Variants in DYRK1A observed in about 807,000 individuals in gnomAD.
DYRK1A encodes dual specificity tyrosine phosphorylation regulated kinase 1A.
In DYRK1A, 9 loss-of-function variants were observed where a neutral mutation model predicts 79.7. That is an observed-to-expected ratio of 0.11 (90% CI 0.07 to 0.20). The LOEUF (loss-of-function observed/expected upper bound fraction) is 0.20, where lower values mean the gene tolerates loss of function less well. DYRK1A is among the 10% of genes least tolerant of loss of function. The pLI, the probability that DYRK1A is intolerant of heterozygous loss-of-function variation, is 1.00. For missense variants in DYRK1A, 622 were observed against 956.0 expected (o/e 0.65, Z 4.61); for synonymous variants, 349 against 329.7 (o/e 1.06, Z -0.63).
intron 1 of DYRK1A, among the ~76,000 whole-genome samples, chr21:37,379,762 GA>G (rs888874934): frequency 6.6e-6 from 1 of 152,120 alleles, no homozygotes; most frequent in Non-Finnish European, 1.5e-5. Flanking sequence ...GTATTTGCCT[GA>G]AAAAAATCTC....
Position 37,397,960 on chromosome 21 carries a change from G to A in DYRK1A, c.-76-22339G>A, listed in dbSNP as rs575395681. 2.3e-3 allele frequency among the ~76,000 whole-genome samples: 350 copies of A among 151,760 alleles called. 3 individuals are homozygous for A. The highest frequency in any genetic ancestry group is 8.1e-3 in the African/African-American group (337 of 41,390). Reference sequence around the variant, plus strand: ...AAATTTAAAAGTACCGTAAAAGACTGGGCACAGTGGCTCACACCTGTAATC... The same window carrying A: ...AAATTTAAAAGTACCGTAAAAGACTAGGCACAGTGGCTCACACCTGTAATC... On this transcript the variant is annotated intron_variant, in intron 1 of 11. Transcript: ENST00000647188.
At chr21:37,449,013 T>C (rs898870445) in intron 2 of DYRK1A, among the ~76,000 whole-genome samples, 40 of 152,202 alleles carry the variant, frequency 2.6e-4, no homozygotes, top group African/African-American at 9.2e-4. Flanking sequence ...AATTACGTAA[T>C]TTGATTTGAA....
chr21:37,365,923 A>C (rs1236836990), upstream of DYRK1A: 1 of 152,030 alleles, frequency 6.6e-6, no homozygotes, highest in African/African-American at 2.4e-5. Context: ...CTAATTTCCC[A>C]ACGCTGGTCT....
At chr21:37,481,869 G>A (rs574962936) in intron 5 of DYRK1A, among the ~76,000 whole-genome samples, 4 of 152,194 alleles carry the variant, frequency 2.6e-5, no homozygotes, top group South Asian at 2.1e-4. Flanking sequence ...AATGTTAGGG[G>A]GATCTCTGGT....
chr21:37,462,841 C>T (rs966436764), intron 2 of DYRK1A, among the ~76,000 whole-genome samples: 3 of 152,120 alleles, frequency 2.0e-5, no homozygotes, highest in Admixed American at 6.5e-5. Context: ...TTTTTTCAGT[C>T]ATCACGATTC....
At chr21:37,437,480 T>A (rs2050959114) in intron 2 of DYRK1A, among the ~76,000 whole-genome samples, 1 of 152,200 alleles carries the variant, frequency 6.6e-6, no homozygotes, top group South Asian at 2.1e-4. Context: ...TGTGTTATAA[T>A]TGGCCTACAG....
intron 2 of DYRK1A, among the ~76,000 whole-genome samples, chr21:37,457,261 C>G (rs1366737857): frequency 6.6e-6 from 1 of 152,100 alleles, no homozygotes; most frequent in African/African-American, 2.4e-5. Flanking sequence ...AAGACAGAGT[C>G]TCACTCTGTT....
intron 1 of DYRK1A, among the ~76,000 whole-genome samples, chr21:37,379,109 C>G (rs1340968112): frequency 6.6e-6 from 1 of 151,922 alleles, no homozygotes; most frequent in Non-Finnish European, 1.5e-5. Flanking sequence ...GAAGGGGACA[C>G]TTGTGGACAT....
At chr21:37,426,754 CA>C (rs34975084) in intron 2 of DYRK1A, among the ~76,000 whole-genome samples, 62,020 of 126,824 alleles carry the variant, frequency 0.49, 14,336 homozygotes, top group Middle Eastern at 0.55. Context: ...ACTAAAAATA[CA>C]AAAAAAAAAA....
chr21:37,417,529 C>T (rs141457056), intron 1 of DYRK1A, among the ~76,000 whole-genome samples: 20 of 44,044 alleles, frequency 4.5e-4, no homozygotes, highest in African/African-American at 1.2e-3. Flanking sequence ...TTTTCTTTTT[C>T]TTTTTTTTTT....
At chr21:37,424,146 C>G (rs1462357467) in intron 2 of DYRK1A, among the ~76,000 whole-genome samples, 1 of 152,058 alleles carries the variant, frequency 6.6e-6, no homozygotes, top group East Asian at 1.9e-4. Context: ...CAGTTTGCCT[C>G]CCCTTGGAAT....
At chr21:37,485,556 G>T (rs2052828561) in intron 5 of DYRK1A, among the ~76,000 whole-genome samples, 1 of 152,128 alleles carries the variant, frequency 6.6e-6, no homozygotes, top group African/African-American at 2.4e-5. Context: ...GAATCATTTG[G>T]AGTTCCTTCC....
At chr21:37,385,778 C>G (rs936691559) in intron 1 of DYRK1A, among the ~76,000 whole-genome samples, 5 of 152,106 alleles carry the variant, frequency 3.3e-5, no homozygotes, top group Non-Finnish European at 2.9e-5. Flanking sequence ...ATTACCATAC[C>G]ATGTTCTTCT....
In DYRK1A at chr21:37,369,276, A is replaced by G. The variant is rs193246502; in HGVS notation, c.-77+1648A>G. On this transcript the variant is annotated intron_variant, in intron 1 of 11. Coordinates refer to ENST00000647188, the MANE Select transcript of DYRK1A (RefSeq NM_001347721.2). ...TTGTTTAATTTCTCATGTCTTGATCAGTTACTTTAGGATAATATTGTTTTC... is the reference window on the plus strand; with the variant it reads ...TTGTTTAATTTCTCATGTCTTGATCGGTTACTTTAGGATAATATTGTTTTC... Among the ~76,000 whole-genome samples the G allele has an allele frequency of 9.8e-5, 15 of 152,332 alleles. No homozygotes were observed. In the East Asian group the frequency reaches 2.9e-3, roughly 29 times the overall value.
intron 4 of DYRK1A, among the ~76,000 whole-genome samples, chr21:37,478,749 T>C (rs34896662): frequency 1.3e-5 from 2 of 152,364 alleles, no homozygotes; most frequent in Admixed American, 1.3e-4. Flanking sequence ...GCATTTGGCC[T>C]AGTTTATTTG....
chr21:37,447,783 C>T (rs2051320696), intron 2 of DYRK1A, among the ~76,000 whole-genome samples: 1 of 152,102 alleles, frequency 6.6e-6, no homozygotes, highest in South Asian at 2.1e-4. Context: ...AGTTTCTAGC[C>T]TCTAGGTGTG....
At chr21:37,428,320 A>C (rs140010953) in intron 2 of DYRK1A, among the ~76,000 whole-genome samples, 172 of 152,246 alleles carry the variant, frequency 1.1e-3, no homozygotes, top group African/African-American at 4.1e-3. Flanking sequence ...CCTCAAACAT[A>C]ACAGATTCTC....
intron 6 of DYRK1A, chr21:37,487,392 TG>T (rs779431773): frequency 3.9e-5 from 6 of 152,166 alleles, no homozygotes; most frequent in Non-Finnish European, 8.8e-5. Context: ...ATTTGATACA[TG>T]GGCAAAATAT....
At chr21:37,449,155 C>T (rs1299793226) in intron 2 of DYRK1A, among the ~76,000 whole-genome samples, 10 of 152,208 alleles carry the variant, frequency 6.6e-5, no homozygotes, top group African/African-American at 2.2e-4. Flanking sequence ...CAAGTCCATA[C>T]TGGAATACGT....
Sources: gnomAD v4.1 joint callset for allele counts (sites outside exome capture counted in the v4.1 genomes callset) on GRCh38, gnomAD v4.1.1 for gene constraint, MANE v1.5 for transcripts, NCBI Gene and HGNC (gene_info 2026-07-23, HGNC 2026-07-21) for gene names.